TFEC: variants seen among roughly 807,000 people sequenced by gnomAD.
TFEC encodes the protein class E basic helix-loop-helix protein 34.
Under a neutral mutation model 41.6 loss-of-function variants are expected in TFEC, and 31 were observed. The ratio of observed to expected loss-of-function variants is 0.74; its 90% CI spans 0.56 to 1.01. TFEC has a LOEUF of 1.01. Among genes scored for constraint, TFEC ranks in the 50% least tolerant of loss-of-function variants. TFEC has a pLI of 0.00. For synonymous variants in TFEC, 143 were observed against 140.6 expected (o/e 1.02, Z -0.12); for missense variants, 402 against 404.1 (o/e 0.99, Z 0.04).
intron 2 of TFEC, among the ~76,000 whole-genome samples, chr7:115,982,374 T>C (rs1793667149): frequency 6.6e-6 from 1 of 152,204 alleles, no homozygotes; most frequent in Non-Finnish European, 1.5e-5. Flanking sequence ...TATACTATAC[T>C]GACTATATCC....
intron 6 of TFEC, among the ~76,000 whole-genome samples, chr7:115,943,567 T>C (rs950699316): frequency 2.0e-5 from 3 of 149,712 alleles, no homozygotes; most frequent in African/African-American, 7.3e-5. Context: ...TTTTTTTAAG[T>C]TCCTCTATTT....
upstream of TFEC, among the ~76,000 whole-genome samples, chr7:116,031,546 C>A (rs757678649): frequency 2.0e-5 from 3 of 152,090 alleles, no homozygotes; most frequent in Non-Finnish European, 4.4e-5. Flanking sequence ...TGAATTCATT[C>A]TTGTAACAGT....
intron 3 of TFEC, among the ~76,000 whole-genome samples, chr7:116,038,410 TACTC>T (rs1795959648): frequency 6.6e-6 from 1 of 152,010 alleles, no homozygotes; most frequent in Non-Finnish European, 1.5e-5. Context: ...TTACATACCT[TACTC>T]ACTAAGGCAT....
At chr7:116,067,028 T>C (rs1390290220) in intron 3 of TFEC, among the ~76,000 whole-genome samples, 3 of 152,012 alleles carry the variant, frequency 2.0e-5, no homozygotes, top group East Asian at 3.8e-4. Flanking sequence ...CAAATCAGTT[T>C]TTATAAAATG....
At chr7:116,084,130 C>T in intron 3 of TFEC, among the ~76,000 whole-genome samples, 1 of 151,876 alleles carries the variant, frequency 6.6e-6, no homozygotes, top group Non-Finnish European at 1.5e-5. Context: ...AGGGATTCTC[C>T]TACTCTGACA....
At chr7:115,965,169 T>G (rs929592680) in intron 3 of TFEC, among the ~76,000 whole-genome samples, 2 of 151,744 alleles carry the variant, frequency 1.3e-5, no homozygotes, top group Non-Finnish European at 3.0e-5. Context: ...TTTCATAAAC[T>G]TTTTTGGATA....
intron 1 of TFEC, among the ~76,000 whole-genome samples, chr7:116,004,798 A>C (rs116280896): frequency 9.1e-4 from 139 of 152,144 alleles, no homozygotes; most frequent in African/African-American, 3.2e-3. Flanking sequence ...GAAAAAAAAA[A>C]AACATAATCA....
chr7:115,941,642 CACATATATACACAT>C, intron 7 of TFEC: 1 of 444,710 alleles, frequency 2.2e-6, no homozygotes. Flanking sequence ...CACACATACA[CACATATATACACAT>C]ATATGTGTAT....
At chr7:115,961,905 A>C (rs1035275271) in intron 3 of TFEC, among the ~76,000 whole-genome samples, 3 of 151,588 alleles carry the variant, frequency 2.0e-5, no homozygotes, top group Admixed American at 6.6e-5. Context: ...TCTCATATTA[A>C]GAAAACCCTC....
intron 3 of TFEC, among the ~76,000 whole-genome samples, chr7:116,108,600 G>C (rs551008350): frequency 8.5e-5 from 13 of 152,168 alleles, no homozygotes; most frequent in Admixed American, 8.5e-4. Flanking sequence ...TGTACACTGA[G>C]AGCATGAGAC....
At chr7:116,158,141 C>G (rs781263766) in intron 1 of TFEC, among the ~76,000 whole-genome samples, 10 of 152,080 alleles carry the variant, frequency 6.6e-5, no homozygotes, top group Admixed American at 2.0e-4. Context: ...ACTACCCAAA[C>G]TTTTGTTTTT....
intron 3 of TFEC, among the ~76,000 whole-genome samples, chr7:116,072,577 G>C (rs1796855109): frequency 6.6e-6 from 1 of 151,496 alleles, no homozygotes; most frequent in Non-Finnish European, 1.5e-5. Context: ...TTGTGGCTGG[G>C]ACCATTTTTC....
At chr7:116,128,621 C>T (rs183409338) in intron 1 of TFEC, among the ~76,000 whole-genome samples, 2 of 152,282 alleles carry the variant, frequency 1.3e-5, no homozygotes, top group Admixed American at 1.3e-4. Context: ...ATCATTTGAT[C>T]TGCACCTGTG....
chr7:116,069,358 A>T lies in TFEC; in HGVS notation c.198+41350T>A, dbSNP rs1373888952. Among the ~76,000 whole-genome samples the T allele has an allele frequency of 2.6e-5, 4 of 151,642 alleles. No homozygotes were observed. In the East Asian group the frequency reaches 5.8e-4, roughly 22 times the overall value. ...CAAAATTTACAAATTTCTAAAAAAA[A>T]GGTTCATCAGAATTGACTCAATATG... On this transcript the variant is annotated intron_variant, in intron 3 of 8. Coordinates refer to the TFEC transcript ENST00000484212.
chr7:116,139,432 T>C (rs761834590), intron 1 of TFEC, among the ~76,000 whole-genome samples: 20 of 152,224 alleles, frequency 1.3e-4, no homozygotes, highest in Non-Finnish European at 2.9e-4. Context: ...CAACAAACCT[T>C]CTCCGTTCAA....
chr7:116,073,016 A>G (rs1030048151), intron 3 of TFEC, among the ~76,000 whole-genome samples: 1 of 151,526 alleles, frequency 6.6e-6, no homozygotes, highest in African/African-American at 2.4e-5. Flanking sequence ...AAACAAAAAA[A>G]TAAGCATCCA....
At chr7:116,142,333 G>C (rs1328008486) in intron 1 of TFEC, among the ~76,000 whole-genome samples, 1 of 152,086 alleles carries the variant, frequency 6.6e-6, no homozygotes, top group Admixed American at 6.5e-5. Context: ...TTGAAGTGAT[G>C]GATTACTAAG....
intron 3 of TFEC, among the ~76,000 whole-genome samples, chr7:116,058,864 T>G (rs1796488036): frequency 6.6e-6 from 1 of 151,744 alleles, no homozygotes; most frequent in Admixed American, 6.6e-5. Flanking sequence ...TAAAACAGAC[T>G]TAAATTTGTG....
At chr7:116,071,589 G>A (rs1158752614) in intron 3 of TFEC, among the ~76,000 whole-genome samples, 1 of 151,216 alleles carries the variant, frequency 6.6e-6, no homozygotes, top group Non-Finnish European at 1.5e-5. Flanking sequence ...TACTTGACTA[G>A]ATCTAAAGAG....
Sources: gnomAD v4.1 joint callset for allele counts (sites outside exome capture counted in the v4.1 genomes callset) on GRCh38, gnomAD v4.1.1 for gene constraint, MANE v1.5 for transcripts, NCBI Gene and HGNC (gene_info 2026-07-23, HGNC 2026-07-21) for gene names.